RERE: variants seen among roughly 807,000 people sequenced by gnomAD.
RERE encodes the protein arginine-glutamic acid dipeptide repeats protein.
A neutral mutation model predicts 146.1 loss-of-function variants in RERE; 40 were observed. The observed-to-expected ratio is 0.27, with a 90% CI of 0.21 to 0.36. The LOEUF (loss-of-function observed/expected upper bound fraction) is 0.36. Among genes scored for constraint, RERE ranks in the 10% least tolerant of loss-of-function variants. The probability of loss-of-function intolerance (pLI) is 1.00; values close to 1 mark genes in which losing one functional copy is unlikely to be tolerated. For missense variants in RERE, 1,933 were observed against 2,138.7 expected (o/e 0.90, Z 1.90); for synonymous variants, 1,003 against 866.0 (o/e 1.16, Z -2.78).
intron 11 of RERE, among the ~76,000 whole-genome samples, chr1:8,438,029 A>G (rs1211879630): frequency 6.6e-6 from 1 of 152,204 alleles, no homozygotes; most frequent in African/African-American, 2.4e-5. Flanking sequence ...TCTGCCACCT[A>G]GGCTACAGTG....
intron 10 of RERE, among the ~76,000 whole-genome samples, chr1:8,474,506 G>T (rs1048967105): frequency 3.9e-5 from 6 of 152,120 alleles, no homozygotes; most frequent in Admixed American, 2.0e-4. Flanking sequence ...TAAACTCTGC[G>T]TATTACCACA....
intron 12 of RERE, among the ~76,000 whole-genome samples, chr1:8,401,858 ATTTAT>A (rs962758166): frequency 1.1e-4 from 17 of 151,894 alleles, no homozygotes; most frequent in African/African-American, 3.6e-4. Context: ...TGCTGTGTAA[ATTTAT>A]TTTATTTTAT....
At chr1:8,648,636 T>A (rs1282413130) in intron 2 of RERE, among the ~76,000 whole-genome samples, 1 of 152,208 alleles carries the variant, frequency 6.6e-6, no homozygotes, top group Non-Finnish European at 1.5e-5. Context: ...TTTTCCAGCT[T>A]AAATTCCATT....
At chr1:8,804,197 A>G (rs1641640953) in intron 1 of RERE, among the ~76,000 whole-genome samples, 1 of 152,176 alleles carries the variant, frequency 6.6e-6, no homozygotes, top group African/African-American at 2.4e-5. Context: ...CATAAAATAT[A>G]TATATGTACA....
chr1:8,611,614 C>A (rs1200105444), intron 4 of RERE, among the ~76,000 whole-genome samples: 1 of 152,182 alleles, frequency 6.6e-6, no homozygotes, highest in African/African-American at 2.4e-5. Context: ...GTCAAACACA[C>A]AAAAAGACAT....
chr1:8,688,959 G>A (rs932698548), intron 1 of RERE, among the ~76,000 whole-genome samples: 1 of 151,882 alleles, frequency 6.6e-6, no homozygotes, highest in African/African-American at 2.4e-5. Context: ...TTAAGTCAAG[G>A]AACAGCTATA....
At chr1:8,603,508 G>C (rs1646659489) in intron 4 of RERE, among the ~76,000 whole-genome samples, 1 of 152,072 alleles carries the variant, frequency 6.6e-6, no homozygotes, top group South Asian at 2.1e-4. Context: ...CAACATCATC[G>C]CCCAGTCTAT....
At chr1:8,452,394 T>A (rs1644399617) in intron 11 of RERE, among the ~76,000 whole-genome samples, 2 of 152,238 alleles carry the variant, frequency 1.3e-5, no homozygotes, top group Admixed American at 6.5e-5. Context: ...TGGGATGGCA[T>A]GTCACCTGCC....
intron 10 of RERE, among the ~76,000 whole-genome samples, chr1:8,466,895 T>C (rs751606923): frequency 6.6e-6 from 1 of 152,342 alleles, no homozygotes; most frequent in African/African-American, 2.4e-5. Flanking sequence ...AACTTGCAGA[T>C]AATGTAGAGA....
chr1:8,547,886 A>G (rs1272968194), intron 6 of RERE, among the ~76,000 whole-genome samples: 1 of 152,250 alleles, frequency 6.6e-6, no homozygotes, highest in Non-Finnish European at 1.5e-5. Context: ...CCCAATGATA[A>G]GAAAATATAT....
chr1:8,599,126 C>T (rs563476543), intron 4 of RERE, among the ~76,000 whole-genome samples: 2 of 152,298 alleles, frequency 1.3e-5, no homozygotes, highest in South Asian at 4.1e-4. Flanking sequence ...TGCTCCCTAG[C>T]CATCACACTA....
intron 12 of RERE, among the ~76,000 whole-genome samples, chr1:8,384,164 G>A (rs534609276): frequency 1.3e-5 from 2 of 152,270 alleles, no homozygotes; most frequent in East Asian, 1.9e-4. Context: ...TCCTCAGGTC[G>A]GGGTCTTACT....
chr1:8,468,108 A>G (rs2124134937), intron 10 of RERE, among the ~76,000 whole-genome samples: 1 of 152,350 alleles, frequency 6.6e-6, no homozygotes, highest in African/African-American at 2.4e-5. Context: ...TTAAAACAAA[A>G]CAAAACACCT....
At chr1:8,483,703 A>G (rs1644863469) in intron 10 of RERE, among the ~76,000 whole-genome samples, 1 of 152,346 alleles carries the variant, frequency 6.6e-6, no homozygotes, top group South Asian at 2.1e-4. Context: ...AACAGTTAAC[A>G]AATAGTGATA....
chr1:8,657,746 C>G (rs1242621791), intron 1 of RERE, among the ~76,000 whole-genome samples: 1 of 152,146 alleles, frequency 6.6e-6, no homozygotes, highest in Non-Finnish European at 1.5e-5. Flanking sequence ...ACTTGGGAGG[C>G]TGAGGCAGGA....
chr1:8,402,485 T>G (rs929512821), intron 12 of RERE, among the ~76,000 whole-genome samples: 1 of 151,934 alleles, frequency 6.6e-6, no homozygotes, highest in South Asian at 2.1e-4. Flanking sequence ...AACAAAAAGG[T>G]TGGATGGGTT....
At chr1:8,405,931 G>A (rs1444522404) in intron 12 of RERE, among the ~76,000 whole-genome samples, 4 of 151,984 alleles carry the variant, frequency 2.6e-5, no homozygotes, top group Non-Finnish European at 4.4e-5. Flanking sequence ...CACCGCAGCC[G>A]GCCTGATTTT....
At chr1:8,809,443 TG>T (rs1641752316) in intron 1 of RERE, among the ~76,000 whole-genome samples, 1 of 152,210 alleles carries the variant, frequency 6.6e-6, no homozygotes, top group Admixed American at 6.5e-5. Flanking sequence ...CCTATAATAA[TG>T]TTACTACAAG....
At chr1:8,696,996 A>G (rs1488822559) in intron 1 of RERE, among the ~76,000 whole-genome samples, 1 of 152,244 alleles carries the variant, frequency 6.6e-6, no homozygotes, top group East Asian at 1.9e-4. Flanking sequence ...GAAAAAAATA[A>G]TAAGATCCAA....
Sources: gnomAD v4.1 joint callset for allele counts (sites outside exome capture counted in the v4.1 genomes callset) on GRCh38, gnomAD v4.1.1 for gene constraint, MANE v1.5 for transcripts, NCBI Gene and HGNC (gene_info 2026-07-23, HGNC 2026-07-21) for gene names.